ZC3H11A: variants seen among roughly 807,000 people sequenced by gnomAD.
ZC3H11A encodes zinc finger CCCH domain-containing protein 11A.
In ZC3H11A, 22 loss-of-function variants were observed where a neutral mutation model predicts 90.8. The observed-to-expected ratio is 0.24, with a 90% confidence interval of 0.17 to 0.35. The LOEUF is 0.35. ZC3H11A is among the 10% of genes least tolerant of loss of function. ZC3H11A has a pLI of 1.00. For missense variants in ZC3H11A, 701 were observed against 964.9 expected (o/e 0.73, Z 3.62); for synonymous variants, 294 against 339.8 (o/e 0.87, Z 1.48).
chr1:203,842,736 TA>T (rs1167367518), intron 12 of ZC3H11A, among the ~76,000 whole-genome samples: 1 of 151,294 alleles, frequency 6.6e-6, no homozygotes, highest in Non-Finnish European at 1.5e-5. Flanking sequence ...CATATACCTT[TA>T]AAAAAATCTT....
rs1460413811 is a variant in ZC3H11A, at chr1:203,840,292, C to CTT, written c.974-12_974-11dup. On this transcript the variant is annotated splice_polypyrimidine_tract_variant and intron_variant, in intron 11 of 17. Coordinates refer to ENST00000367210, the MANE Select transcript of ZC3H11A (RefSeq NM_001376342.1). ...TGTTCAACTTTTGATTTTTGAAAAT[C>CTT]TTTCTTTTCACAGCTCAAGTTTCCA... The CTT allele has an allele frequency of 1.2e-6, 2 of 1,611,094 alleles. No homozygotes were observed. Among genetic ancestry groups the CTT allele is most frequent in the Non-Finnish European group, 1.7e-6 (2 of 1,178,566 alleles).
At chr1:203,820,772 C>G (rs190733230) in intron 4 of ZC3H11A, among the ~76,000 whole-genome samples, 1 of 152,084 alleles carries the variant, frequency 6.6e-6, no homozygotes, top group Admixed American at 6.6e-5. Flanking sequence ...GAGCCACGCC[C>G]GGCGAATGGT....
chr1:203,822,171 T>C (rs960627270), intron 4 of ZC3H11A, among the ~76,000 whole-genome samples: 1 of 152,162 alleles, frequency 6.6e-6, no homozygotes, highest in African/African-American at 2.4e-5. Flanking sequence ...TACCTGTAAC[T>C]CTTCTCCAGA....
chr1:203,797,851 A>G, intron 1 of ZC3H11A: 1 of 1,536,112 alleles, frequency 6.5e-7, no homozygotes, highest in Non-Finnish European at 8.7e-7. Context: ...CCTGAGCAGG[A>G]TGAAGAAAGT....
At chr1:203,833,356 C>T (rs1417254608) in intron 9 of ZC3H11A, among the ~76,000 whole-genome samples, 2 of 115,260 alleles carry the variant, frequency 1.7e-5, no homozygotes, top group African/African-American at 3.4e-5. Context: ...CAGAGTGAGA[C>T]TCTGTCTCAA....
At chr1:203,831,044 A>G (rs1282092249) in intron 8 of ZC3H11A, among the ~76,000 whole-genome samples, 1 of 143,616 alleles carries the variant, frequency 7.0e-6, no homozygotes, top group African/African-American at 2.6e-5. Context: ...CTCCCAGTTC[A>G]AGCTATTCTG....
intron 11 of ZC3H11A, 29 bp downstream of exon 11, chr1:203,838,093 T>G: frequency 1.3e-6 from 2 of 1,598,532 alleles, no homozygotes; most frequent in Non-Finnish European, 1.7e-6. Flanking sequence ...ACTTTGTGTG[T>G]GTATGTAATT....
rs1014561181 is a variant in ZC3H11A, at chr1:203,819,833, C to T, written c.174+1144C>T. Among the ~76,000 whole-genome samples, 6 of 150,940 alleles carry T rather than the reference C, an allele frequency of 4.0e-5. No homozygotes were observed. In the South Asian group the frequency reaches 8.4e-4, roughly 21 times the overall value. ...ACAGGCATGAGCCACCGCGCCCAGC[C>T]GACTCCAGCAATTTTTTTAAAAAGA... On this transcript the variant is annotated intron_variant, in intron 4 of 17. Coordinates refer to ENST00000367210, the MANE Select transcript of ZC3H11A (RefSeq NM_001376342.1).
At position 203,852,108 on chromosome 1, in the gene ZC3H11A, G is replaced by A. The variant is rs375668766; in HGVS notation, c.2175-33G>A. On this transcript the variant is annotated intron_variant, in intron 17 of 17. Coordinates refer to ENST00000367210, the MANE Select transcript of ZC3H11A (RefSeq NM_001376342.1). ...TGATTCAGCCAACTATTTTTAAAAC[G>A]GCAGTTTTCTAATAATCTTTTTTTT... 19 of 1,610,964 alleles carry A rather than the reference G, an allele frequency of 1.2e-5. No homozygotes were observed. The East Asian group carries it at 1.6e-4, about 13-fold the overall frequency.
At chr1:203,845,796 G>A (rs1421531357) in intron 12 of ZC3H11A, among the ~76,000 whole-genome samples, 1 of 152,080 alleles carries the variant, frequency 6.6e-6, no homozygotes, top group Non-Finnish European at 1.5e-5. Context: ...CCCAGGAGAT[G>A]TAGGTTGCGG....
At chr1:203,839,614 A>G (rs1267539233) in intron 11 of ZC3H11A, among the ~76,000 whole-genome samples, 2 of 152,106 alleles carry the variant, frequency 1.3e-5, no homozygotes, top group Non-Finnish European at 2.9e-5. Flanking sequence ...TCTTTGCCAC[A>G]TTGTTTTCCT....
intron 17 of ZC3H11A, among the ~76,000 whole-genome samples, chr1:203,851,693 C>CG (rs1689310783): frequency 6.7e-6 from 1 of 149,808 alleles, no homozygotes; most frequent in South Asian, 2.1e-4. Flanking sequence ...CCAGGCAAGG[C>CG]GGCTTATGCC....
intron 2 of ZC3H11A, among the ~76,000 whole-genome samples, chr1:203,809,133 G>A (rs776991925): frequency 7.3e-6 from 1 of 136,400 alleles, no homozygotes; most frequent in Non-Finnish European, 1.6e-5. Flanking sequence ...CCCAGCCTGA[G>A]TTTTCTTATT....
rs1688785698 is a variant in ZC3H11A, at chr1:203,849,627, A to G, written c.1624-84A>G. On this transcript the variant is annotated intron_variant, in intron 14 of 17. Transcript: ENST00000367210. Reference sequence around the variant, plus strand: ...TTCTGGATCATGTGAGATTCTGCTTAACTTAGATGTTAGCCTGGTACTTAC... The same window carrying G: ...TTCTGGATCATGTGAGATTCTGCTTGACTTAGATGTTAGCCTGGTACTTAC... 18 of 1,298,148 alleles carry G rather than the reference A, an allele frequency of 1.4e-5. No homozygotes were observed. In the South Asian group the frequency reaches 2.0e-4, roughly 15 times the overall value. The allele number at this position is 1,298,148 out of a possible 1,614,324, so 80.4% of individuals were successfully genotyped here.
chr1:203,832,148 T>G (rs1682583850), intron 9 of ZC3H11A, among the ~76,000 whole-genome samples: 1 of 152,176 alleles, frequency 6.6e-6, no homozygotes, highest in Admixed American at 6.5e-5. Flanking sequence ...AGCCTCCGTC[T>G]TCTGGGTTCA....
chr1:203,799,603 C>T (rs1264790273), intron 1 of ZC3H11A: 6 of 702,972 alleles, frequency 8.5e-6, no homozygotes, highest in African/African-American at 1.7e-5. Context: ...ATTCTTAAGC[C>T]ATTTGAGGAG....
At position 203,817,015 on chromosome 1, in the gene ZC3H11A, T is replaced by A; in HGVS notation, c.-56T>A. ...AGGACTTGGAGCCTGGTCCTTGCTT[T>A]GAGGAAGCAGTGGCTTGTTTCAAGA... On this transcript the variant is annotated 5_prime_UTR_variant, in exon 3 of 18. Coordinates refer to ENST00000367210, the MANE Select transcript of ZC3H11A (RefSeq NM_001376342.1). 1 of 1,366,486 alleles carries A rather than the reference T, an allele frequency of 7.3e-7. No homozygotes were observed. Among genetic ancestry groups the A allele is most frequent in the Non-Finnish European group, 1.0e-6 (1 of 983,404 alleles). The allele number at this position is 1,366,486 out of a possible 1,614,324, so 84.6% of individuals were successfully genotyped here.
intron 4 of ZC3H11A, among the ~76,000 whole-genome samples, chr1:203,827,220 T>C (rs189413842): frequency 4.0e-4 from 61 of 152,326 alleles, no homozygotes; most frequent in East Asian, 1.9e-4. Context: ...TGCAAAATTA[T>C]AGAGCTATTG....
At chr1:203,809,778 A>G (rs1234056392) in intron 2 of ZC3H11A, among the ~76,000 whole-genome samples, 3 of 151,732 alleles carry the variant, frequency 2.0e-5, no homozygotes, top group African/African-American at 7.3e-5. Context: ...ACATGGTGAA[A>G]CCCCGTCTCT....
Sources: allele counts gnomAD v4.1 joint callset (sites outside exome capture counted in the v4.1 genomes callset), GRCh38; gene constraint gnomAD v4.1.1; transcripts MANE v1.5; gene names NCBI Gene and HGNC (gene_info 2026-07-23, HGNC 2026-07-21).